Variants in PEX2 observed in about 807,000 individuals in gnomAD.
PEX2 encodes the protein peroxisome biogenesis factor 2.
In PEX2, 19 loss-of-function variants were observed where a neutral mutation model predicts 25.2. The observed-to-expected ratio is 0.75, with a 90% confidence interval of 0.53 to 1.10. The LOEUF is 1.10. PEX2 is among the 50% of genes least tolerant of loss of function. The probability of loss-of-function intolerance (pLI) is 0.00; values close to 1 mark genes in which losing one functional copy is unlikely to be tolerated. For synonymous variants in PEX2, 141 were observed against 127.7 expected (o/e 1.10, Z -0.70); for missense variants, 347 against 350.6 (o/e 0.99, Z 0.08).
chr8:76,995,854 A>T (rs529947729), intron 1 of PEX2, among the ~76,000 whole-genome samples: 185 of 152,296 alleles, frequency 1.2e-3, no homozygotes, highest in African/African-American at 4.1e-3. Flanking sequence ...GCCCAGGTTC[A>T]CTAACAGATT....
Position 76,983,996 on chromosome 8 carries a change from C to T in PEX2, c.183G>A (p.Trp61Ter), listed in dbSNP as rs1806926984. The T allele has an allele frequency of 2.5e-6, 4 of 1,613,932 alleles. No individual in the cohort carries two copies. The highest frequency in any genetic ancestry group is 3.4e-6 in the Non-Finnish European group (4 of 1,179,982). Reference protein sequence around the residue: ...RFEPEVKACLWVFLWRFTIYS... With the variant: ...RFEPEVKACL ...AGATGGTGAATCTCCACAAGAAAACCCATAAGCACGCTTTCACCTCTGGCT... is the reference window on the plus strand; with the variant it reads ...AGATGGTGAATCTCCACAAGAAAACTCATAAGCACGCTTTCACCTCTGGCT... Residue 61 changes from tryptophan (W) to a stop codon, truncating the protein, a stop_gained, in exon 4 of 4, where the codon TGG becomes TGA. Coordinates refer to ENST00000357039, the MANE Select transcript of PEX2 (RefSeq NM_000318.3). LOFTEE classifies it high-confidence loss of function.
intron 1 of PEX2, among the ~76,000 whole-genome samples, chr8:76,998,024 A>G (rs1443783040): frequency 6.6e-6 from 1 of 152,254 alleles, no homozygotes; most frequent in Non-Finnish European, 1.5e-5. Context: ...GAAAAGAGGT[A>G]CAGAGAACAT....
Position 76,984,138 on chromosome 8 carries a change from ACT to A in PEX2, c.39_40del (p.Arg13SerfsTer11). On this transcript the variant is annotated frameshift_variant, in exon 4 of 4. Coordinates refer to ENST00000357039, the MANE Select transcript of PEX2 (RefSeq NM_000318.3). LOFTEE classifies it high-confidence loss of function. The stretch of plus-strand genomic sequence containing the variant: ...TGCATCCAACTGGCTTATTCTTAGC[ACT>A]CTGTTTGCACTCTTCGCATTCTCTT... 2 of 1,613,932 alleles carry A rather than the reference ACT, an allele frequency of 1.2e-6. No individual in the cohort carries two copies. The highest frequency in any genetic ancestry group is 1.3e-5 in the African/African-American group (1 of 74,986).
In PEX2 at chr8:76,983,267, A is replaced by G. The variant is rs1034467919; in HGVS notation, c.912T>C (p.Ala304=). 1.9e-6 allele frequency: 3 copies of G among 1,612,602 alleles called. No individual in the cohort carries two copies. The highest frequency in any genetic ancestry group is 1.3e-5 in the African/African-American group (1 of 75,056). Residue 304 remains alanine (A), a synonymous_variant, in exon 4 of 4, where the codon GCT becomes GCC. Transcript: ENST00000357039. ...AAGGAAGCAATTTTAGTTTCTAAAG[A>G]GCATTTACTTCTGACATCTCGATTC... is the stretch of plus-strand genomic sequence containing the variant. ...KSGIEMSEVN[A]L is the part of the protein sequence containing the mutation.
At chr8:76,997,331 G>A (rs1807366438) in intron 1 of PEX2, among the ~76,000 whole-genome samples, 1 of 152,210 alleles carries the variant, frequency 6.6e-6, no homozygotes, top group Non-Finnish European at 1.5e-5. Context: ...AAGACAAGTG[G>A]GCCGAGGTGG....
intron 1 of PEX2, among the ~76,000 whole-genome samples, chr8:76,991,608 A>T (rs2132054354): frequency 6.6e-6 from 1 of 152,342 alleles, no homozygotes; most frequent in Non-Finnish European, 1.5e-5. Flanking sequence ...TGTCTATTAC[A>T]CACCATAGTT....
At position 76,990,701 on chromosome 8, in the gene PEX2, A is replaced by G. The variant is rs368117886; in HGVS notation, c.-159-2363T>C. Among the ~76,000 whole-genome samples, 9 of 152,086 alleles carry G rather than the reference A, an allele frequency of 5.9e-5. No homozygotes were observed. In the East Asian group the frequency reaches 7.7e-4, roughly 13 times the overall value. ...TGGATACAGTTCTTGGTGCCCCAGAATATTTATAAGTTCACCATCTTATAT... is the reference window on the plus strand; with the variant it reads ...TGGATACAGTTCTTGGTGCCCCAGAGTATTTATAAGTTCACCATCTTATAT... On this transcript the variant is annotated intron_variant, in intron 1 of 3. Coordinates refer to ENST00000357039, the MANE Select transcript of PEX2 (RefSeq NM_000318.3).
chr8:76,998,315 G>A (rs1407506326), intron 1 of PEX2, among the ~76,000 whole-genome samples: 2 of 152,062 alleles, frequency 1.3e-5, no homozygotes, highest in Non-Finnish European at 2.9e-5. Context: ...TATGTAAAAT[G>A]AAAAATACTT....
intron 1 of PEX2, among the ~76,000 whole-genome samples, chr8:76,989,754 T>C (rs1346752975): frequency 2.6e-5 from 4 of 152,246 alleles, no homozygotes; most frequent in Non-Finnish European, 5.9e-5. Context: ...TGTAAACAGA[T>C]GTGCTGTCAT....
intron 1 of PEX2, among the ~76,000 whole-genome samples, chr8:76,993,047 TG>T (rs1331226568): frequency 1.3e-5 from 2 of 152,140 alleles, no homozygotes; most frequent in African/African-American, 4.8e-5. Context: ...GCTACATCCT[TG>T]GTTATTTAAC....
At chr8:76,988,650 A>G (rs55716567) in intron 1 of PEX2, among the ~76,000 whole-genome samples, 5,150 of 152,198 alleles carry the variant, frequency 0.034, 272 homozygotes, top group African/African-American at 0.11. Context: ...TAACAACAAC[A>G]AAGTTTGCTG....
At chr8:77,000,613 G>A (rs890928327), upstream of PEX2, among the ~76,000 whole-genome samples, 2 of 152,188 alleles carry the variant, frequency 1.3e-5, no homozygotes, top group Non-Finnish European at 2.9e-5. Context: ...AGACCTGCCC[G>A]CCCTCGGGGC....
At position 76,984,084 on chromosome 8, in the gene PEX2, A is replaced by C; in HGVS notation, c.95T>G (p.Leu32Arg). ...ALELNKALEQ[L>R]VWSQFTQCFH... ...GCACTGAGTAAACTGGGACCAAACT[A>C]GCTGCTCCAGGGCCTTGTTTAGTTC... Residue 32 changes from leucine (L) to arginine (R), a missense_variant, in exon 4 of 4, where the codon CTA becomes CGA. By Grantham distance (102) the Leu-to-Arg change is moderately radical. Coordinates refer to ENST00000357039, the MANE Select transcript of PEX2 (RefSeq NM_000318.3). 6.2e-7 allele frequency: 1 copy of C among 1,612,470 alleles called. No homozygotes were observed. Among genetic ancestry groups the C allele is most frequent in the South Asian group, 1.1e-5 (1 of 90,888 alleles).
At position 76,983,628 on chromosome 8, in the gene PEX2, CA is replaced by C. The variant is rs63545361; in HGVS notation, c.550del (p.Cys184ValfsTer8). 1 of 1,613,902 alleles carries C rather than the reference CA, an allele frequency of 6.2e-7. No individual in the cohort carries two copies. Among genetic ancestry groups the C allele is most frequent in the South Asian group, 1.1e-5 (1 of 91,078 alleles). Reference protein sequence around the residue: ...HSVFCKPQNICEVGFEYMNRE... With the variant: ...HSVFCKPQNIXEVGFEYMNRE... Reference sequence around the variant, plus strand: ...ATTCATGTATTCAAAGCCAACTTCACATATGTTTTGAGGCTTGCAAAATACA... The same window carrying C: ...ATTCATGTATTCAAAGCCAACTTCACTATGTTTTGAGGCTTGCAAAATACA... On this transcript the variant is annotated frameshift_variant, in exon 4 of 4. Transcript: ENST00000357039. LOFTEE classifies it high-confidence loss of function.
At chr8:76,990,078 G>A (rs1253035433) in intron 1 of PEX2, among the ~76,000 whole-genome samples, 1 of 152,184 alleles carries the variant, frequency 6.6e-6, no homozygotes, top group African/African-American at 2.4e-5. Context: ...ACTTGCTGCA[G>A]CTCTGATGTC....
At chr8:76,985,563 A>G (rs1806978483) in intron 3 of PEX2, among the ~76,000 whole-genome samples, 1 of 152,174 alleles carries the variant, frequency 6.6e-6, no homozygotes, top group Non-Finnish European at 1.5e-5. Context: ...AAATCATTAC[A>G]TTGCACACTT....
At chr8:76,984,499 T>A (rs1806949270) in intron 3 of PEX2, among the ~76,000 whole-genome samples, 1 of 152,188 alleles carries the variant, frequency 6.6e-6, no homozygotes, top group South Asian at 2.1e-4. Flanking sequence ...ACAAATATAC[T>A]TCTAAGCAAT....
chr8:76,992,946 A>T (rs1406809103), intron 1 of PEX2, among the ~76,000 whole-genome samples: 1 of 152,210 alleles, frequency 6.6e-6, no homozygotes, highest in Non-Finnish European at 1.5e-5. Context: ...AATGGTATGT[A>T]AGGCAAGGGA....
chr8:77,000,693 C>G (rs1262782697), upstream of PEX2, among the ~76,000 whole-genome samples: 2 of 152,202 alleles, frequency 1.3e-5, no homozygotes, highest in African/African-American at 4.8e-5. Context: ...GCCCGTCAGT[C>G]ATCCGCCCTG....
Sources: gnomAD v4.1 joint callset for allele counts (sites outside exome capture counted in the v4.1 genomes callset) on GRCh38, gnomAD v4.1.1 for gene constraint, MANE v1.5 for transcripts, NCBI Gene and HGNC (gene_info 2026-07-23, HGNC 2026-07-21) for gene names.